Variants in RAB21 observed in about 807,000 individuals in gnomAD.
RAB21 encodes RAB21, member RAS oncogene family.
In RAB21, 13 loss-of-function variants were observed where a neutral mutation model predicts 33.1. The ratio of observed to expected loss-of-function variants is 0.39; its 90% confidence interval spans 0.26 to 0.62. The LOEUF is 0.62. Ranked by LOEUF, RAB21 falls within the 20% of genes least tolerant of loss-of-function variation. RAB21 has a pLI of 0.48. For missense variants in RAB21, 234 were observed against 279.1 expected, an observed-to-expected ratio of 0.84 and a Z score of 1.15; for synonymous variants, 91 against 103.7, an observed-to-expected ratio of 0.88 and a Z score of 0.74.
chr12:71,761,679 AAAAAAT>A (rs951499277), intron 1 of RAB21, among the ~76,000 whole-genome samples: 4 of 152,208 alleles, frequency 2.6e-5, no homozygotes, highest in Admixed American at 1.3e-4. Flanking sequence ...CTCCATCTCA[AAAAAAT>A]AAAAATAAAA....
rs1883503073 is a variant in RAB21, at chr12:71,799,027, G to C, written c.*13354G>C. Reference sequence around the variant, plus strand: ...TGAATGTTACGAGGTAGTGAAAAACGTTTCCATGCAGCAGTGATCAAGTGT... The same window carrying C: ...TGAATGTTACGAGGTAGTGAAAAACCTTTCCATGCAGCAGTGATCAAGTGT... On this transcript the variant is annotated 3_prime_UTR_variant, in exon 7 of 7. Transcript: ENST00000261263. The C allele has an allele frequency of 6.6e-6, 1 of 152,276 alleles. No individual in the cohort carries two copies. The highest frequency in any genetic ancestry group is 1.5e-5 in the Non-Finnish European group (1 of 68,048). The allele number at this position is 152,276 out of a possible 1,614,324, so 9.4% of individuals were successfully genotyped here.
In RAB21 at chr12:71,770,719, A is replaced by G; in HGVS notation, c.327+20A>G. On this transcript the variant is annotated intron_variant, in intron 3 of 6. Transcript: ENST00000261263. ...CAGAAGGTATTCTATTCATGGGTAG[A>G]TGTCTTAGAAGAACAATAGTAATTT... 6.9e-7 allele frequency: 1 copy of G among 1,444,806 alleles called. No homozygotes were observed. The highest frequency in any genetic ancestry group is 9.6e-7 in the Non-Finnish European group (1 of 1,037,688). The allele number at this position is 1,444,806 out of a possible 1,614,324, so 89.5% of individuals were successfully genotyped here.
At chr12:71,778,622 T>C (rs917390526) in intron 4 of RAB21, among the ~76,000 whole-genome samples, 4 of 152,166 alleles carry the variant, frequency 2.6e-5, no homozygotes, top group Admixed American at 6.5e-5. Flanking sequence ...ACAAAATAGA[T>C]ACGGTTCTTG....
Position 71,789,994 on chromosome 12 carries a change from A to T in RAB21, c.*4321A>T, listed in dbSNP as rs1883356157. ...AATGCTTCTCTTCTAAATAAATACC[A>T]CTTAATTGATAGACCTTTAGCAGTT... On this transcript the variant is annotated 3_prime_UTR_variant, in exon 7 of 7. Transcript: ENST00000261263. 6.6e-6 allele frequency: 1 copy of T among 152,148 alleles called. No individual in the cohort carries two copies. Among genetic ancestry groups the T allele is most frequent in the African/African-American group, 2.4e-5 (1 of 41,434 alleles). 9.4% of individuals were successfully genotyped at this position (152,148 alleles called of 1,614,324 possible).
At chr12:71,758,029 A>T (rs555512727) in intron 1 of RAB21, among the ~76,000 whole-genome samples, 8 of 151,312 alleles carry the variant, frequency 5.3e-5, no homozygotes, top group African/African-American at 1.9e-4. Context: ...TTTCATTTTT[A>T]AATTTTTTTT....
chr12:71,758,429 T>C (rs1385821143), intron 1 of RAB21, among the ~76,000 whole-genome samples: 1 of 152,144 alleles, frequency 6.6e-6, no homozygotes, highest in African/African-American at 2.4e-5. Flanking sequence ...AGCTATCTTG[T>C]CTTCTCTTGG....
chr12:71,779,295 C>CA (rs913694573), intron 4 of RAB21, among the ~76,000 whole-genome samples: 2 of 151,814 alleles, frequency 1.3e-5, no homozygotes, highest in South Asian at 2.1e-4. Context: ...CCCATCTCTA[C>CA]AAAAAAATAC....
rs2137667726 is a variant in RAB21, at chr12:71,794,483, CCA to C, written c.*8811_*8812del. The C allele has an allele frequency of 1.7e-5, 2 of 114,896 alleles. No homozygotes were observed. Among genetic ancestry groups the C allele is most frequent in the South Asian group, 5.7e-4 (2 of 3,500 alleles). 7.1% of individuals were successfully genotyped at this position (114,896 alleles called of 1,614,324 possible). A position where few individuals can be genotyped will look rare whatever the true frequency, so the allele number is the denominator to read the frequency against. On this transcript the variant is annotated 3_prime_UTR_variant, in exon 7 of 7. Coordinates refer to ENST00000261263, the MANE Select transcript of RAB21 (RefSeq NM_014999.4). ...AGACGGAGTCTCGCTCTGTCCCAGG[CCA>C]GAGTGCAGTGGCGCTATCTCGGCTC...
intron 4 of RAB21, among the ~76,000 whole-genome samples, chr12:71,780,863 T>A (rs1883187617): frequency 6.6e-6 from 1 of 152,234 alleles, no homozygotes; most frequent in Non-Finnish European, 1.5e-5. Context: ...TTATAAGATT[T>A]CTCTTTTCTC....
At chr12:71,769,161 T>C (rs930826069) in intron 1 of RAB21, among the ~76,000 whole-genome samples, 1 of 152,276 alleles carries the variant, frequency 6.6e-6, no homozygotes, top group Admixed American at 6.5e-5. Context: ...TCTGAAGCCT[T>C]CTTTGACTCA....
intron 4 of RAB21, among the ~76,000 whole-genome samples, chr12:71,777,369 AGTT>A (rs1424367095): frequency 2.6e-5 from 4 of 152,124 alleles, no homozygotes; most frequent in African/African-American, 9.7e-5. Flanking sequence ...TGTTGTATAT[AGTT>A]GTTCATTTTA....
intron 1 of RAB21, among the ~76,000 whole-genome samples, chr12:71,768,172 A>G (rs1208450918): frequency 6.6e-6 from 1 of 152,166 alleles, no homozygotes; most frequent in Non-Finnish European, 1.5e-5. Context: ...GCAGACATAC[A>G]TGGGTTTGAA....
chr12:71,790,541 T>C lies in RAB21; in HGVS notation c.*4868T>C, dbSNP rs567151736. On this transcript the variant is annotated 3_prime_UTR_variant, in exon 7 of 7. Transcript: ENST00000261263. ...TTCCTAGAAATATGAAAGTTCCTCA[T>C]TTTGTATTTAATTATGTAAGAAAAT... The C allele has an allele frequency of 1.3e-5, 2 of 152,282 alleles. No individual in the cohort carries two copies. Among genetic ancestry groups the C allele is most frequent in the East Asian group, 3.9e-4 (2 of 5,184 alleles). The allele number at this position is 152,282 out of a possible 1,614,324, so 9.4% of individuals were successfully genotyped here.
At chr12:71,758,804 G>A (rs1175988862) in intron 1 of RAB21, among the ~76,000 whole-genome samples, 1 of 152,058 alleles carries the variant, frequency 6.6e-6, no homozygotes, top group Admixed American at 6.5e-5. Context: ...ATCTCTTCTA[G>A]GCACTATGTA....
At chr12:71,783,168 A>G (rs922123289) in intron 6 of RAB21, among the ~76,000 whole-genome samples, 16 of 152,074 alleles carry the variant, frequency 1.1e-4, no homozygotes, top group African/African-American at 3.6e-4. Flanking sequence ...GAATAAAGTT[A>G]TGGGTCTGAG....
At chr12:71,760,681 G>A (rs1015310792) in intron 1 of RAB21, among the ~76,000 whole-genome samples, 2 of 152,086 alleles carry the variant, frequency 1.3e-5, no homozygotes, top group African/African-American at 2.4e-5. Flanking sequence ...AATTTGGTGT[G>A]CCTTCTTTAT....
Position 71,790,489 on chromosome 12 carries a change from T to G in RAB21, c.*4816T>G, listed in dbSNP as rs936081254. 6.6e-6 allele frequency: 1 copy of G among 152,184 alleles called. No individual in the cohort carries two copies. The highest frequency in any genetic ancestry group is 2.4e-5 in the African/African-American group (1 of 41,432). 9.4% of individuals were successfully genotyped at this position (152,184 alleles called of 1,614,324 possible). A position where few individuals can be genotyped will look rare whatever the true frequency, so the allele number is the denominator to read the frequency against. ...AAACTCTAGCTTTAGTAGCAAGCTATTTTAAGGAAATCATTGTATGTGGTA... is the reference window on the plus strand; with the variant it reads ...AAACTCTAGCTTTAGTAGCAAGCTAGTTTAAGGAAATCATTGTATGTGGTA... On this transcript the variant is annotated 3_prime_UTR_variant, in exon 7 of 7. Coordinates refer to ENST00000261263, the MANE Select transcript of RAB21 (RefSeq NM_014999.4).
intron 1 of RAB21, among the ~76,000 whole-genome samples, chr12:71,757,150 G>C (rs1277560866): frequency 6.6e-6 from 1 of 152,020 alleles, no homozygotes; most frequent in African/African-American, 2.4e-5. Flanking sequence ...GTCTTGCCCT[G>C]TCGCCCAGGC....
chr12:71,770,112 CT>C (rs1883020019), intron 2 of RAB21, among the ~76,000 whole-genome samples: 1 of 152,000 alleles, frequency 6.6e-6, no homozygotes, highest in African/African-American at 2.4e-5. Flanking sequence ...CTTGCCTGGC[CT>C]TTTTTTCCCC....
Sources: gnomAD v4.1 joint callset for allele counts (sites outside exome capture counted in the v4.1 genomes callset) on GRCh38, gnomAD v4.1.1 for gene constraint, MANE v1.5 for transcripts, NCBI Gene and HGNC (gene_info 2026-07-23, HGNC 2026-07-21) for gene names.